ABCC5: variants seen among roughly 807,000 people sequenced by gnomAD.
The protein encoded by ABCC5 is ATP-binding cassette sub-family C member 5.
In ABCC5, 61 loss-of-function variants were observed where a neutral mutation model predicts 160.9. The ratio of observed to expected loss-of-function variants is 0.38; its 90% CI spans 0.31 to 0.47. The LOEUF (loss-of-function observed/expected upper bound fraction) is 0.47, where lower values mean the gene tolerates loss of function less well. Among genes scored for constraint, ABCC5 ranks in the 20% least tolerant of loss-of-function variants. ABCC5 has a pLI of 0.99. For synonymous variants in ABCC5, 666 were observed against 700.6 expected, an observed-to-expected ratio of 0.95 and a Z score of 0.78; for missense variants, 1,308 against 1,813.3, an observed-to-expected ratio of 0.72 and a Z score of 5.06.
intron 26 of ABCC5, among the ~76,000 whole-genome samples, chr3:183,935,794 G>C (rs750017323): frequency 6.6e-6 from 1 of 152,170 alleles, no homozygotes; most frequent in African/African-American, 2.4e-5. Context: ...GAGCCACCAC[G>C]CCTGACCAAT....
chr3:183,984,054 G>C, intron 5 of ABCC5: 6 of 985,388 alleles, frequency 6.1e-6, no homozygotes, highest in Non-Finnish European at 7.2e-6. Flanking sequence ...CAACGGAGTA[G>C]ATTCTCTAGG....
chr3:183,942,867 G>C lies in ABCC5; in HGVS notation c.3554C>G (p.Pro1185Arg), dbSNP rs775993579. 3.7e-6 allele frequency: 6 copies of C among 1,614,124 alleles called. No homozygotes were observed. Among genetic ancestry groups the C allele is most frequent in the Admixed American group, 1.7e-5 (1 of 60,016 alleles). The part of the protein sequence containing the change: ...PARIKNKAPS[P>R]DWPQEGEVTF... ...CACCTCTCCCTCCTGGGGCCAGTCA[G>C]GGGAGGGAGCCTTGTTCTTAATTCT... Residue 1185 changes from proline (P) to arginine (R), a missense_variant, in exon 25 of 30, where the codon CCT becomes CGT. Coordinates refer to ENST00000334444, the MANE Select transcript of ABCC5 (RefSeq NM_005688.4).
intron 16 of ABCC5, among the ~76,000 whole-genome samples, chr3:183,961,059 G>C (rs1363439305): frequency 1.3e-5 from 2 of 152,110 alleles, no homozygotes; most frequent in African/African-American, 4.8e-5. Context: ...AAAATGCTGG[G>C]ATTACCAGCA....
At chr3:183,978,955 T>C (rs533389985) in intron 8 of ABCC5, among the ~76,000 whole-genome samples, 1 of 152,354 alleles carries the variant, frequency 6.6e-6, no homozygotes, top group South Asian at 2.1e-4. Flanking sequence ...GTATCTATAA[T>C]TGGCAGTTGT....
intron 2 of ABCC5, among the ~76,000 whole-genome samples, chr3:183,992,774 G>A: frequency 6.6e-6 from 1 of 151,934 alleles, no homozygotes; most frequent in Admixed American, 6.5e-5. Context: ...GAGCGAAAGA[G>A]CGAGACTCCG....
chr3:183,921,249 G>T lies in ABCC5; in HGVS notation c.*51C>A. 1 of 1,099,062 alleles carries T rather than the reference G, an allele frequency of 9.1e-7. No homozygotes were observed. The highest frequency in any genetic ancestry group is 1.4e-6 in the Non-Finnish European group (1 of 736,814). The allele number at this position is 1,099,062 out of a possible 1,614,324, so 68.1% of individuals were successfully genotyped here. Reference sequence around the variant, plus strand: ...GGACGCGATGAGGGGCCCGCCCCAGGCAGGGAATGGCAATGCTCTAAAGAA... The same window carrying T: ...GGACGCGATGAGGGGCCCGCCCCAGTCAGGGAATGGCAATGCTCTAAAGAA... On this transcript the variant is annotated 3_prime_UTR_variant, in exon 30 of 30. Coordinates refer to ENST00000334444, the MANE Select transcript of ABCC5 (RefSeq NM_005688.4). The surrounding 1 kb of genome is among the most constrained non-coding windows in gnomAD (Gnocchi z 4.1).
intron 2 of ABCC5, chr3:184,006,269 T>C (rs1483916078): frequency 8.0e-6 from 1 of 124,994 alleles, no homozygotes; most frequent in East Asian, 2.5e-4. Context: ...CTGTGCCTCA[T>C]AAAGCTTTAT....
chr3:184,002,130 G>A (rs959501488), intron 2 of ABCC5, among the ~76,000 whole-genome samples: 1 of 152,158 alleles, frequency 6.6e-6, no homozygotes, highest in Non-Finnish European at 1.5e-5. Flanking sequence ...GGGTGGGGTG[G>A]CTTATGCTTG....
intron 18 of ABCC5, among the ~76,000 whole-genome samples, 162 bp from the exon 19 acceptor site, chr3:183,952,165 G>C (rs1405351141): frequency 1.6e-5 from 1 of 63,758 alleles, no homozygotes; most frequent in Non-Finnish European, 2.9e-5. Flanking sequence ...TTTTTTTTTT[G>C]AGACAGTGTC....
rs184409487 is a variant in ABCC5, at chr3:183,942,649, C to T, written c.3694+78G>A. 2.4e-3 allele frequency: 3,687 copies of T among 1,537,424 alleles called. 7 individuals carry two copies. The highest frequency in any genetic ancestry group is 3.0e-3 in the Non-Finnish European group (3,361 of 1,121,800). ...ATTGCTCATCAAACAAACAAGGATC[C>T]GGTTTAAAGGGGTGAAAGTGATATT... On this transcript the variant is annotated intron_variant, in intron 25 of 29. Coordinates refer to ENST00000334444, the MANE Select transcript of ABCC5 (RefSeq NM_005688.4).
At chr3:183,937,770 G>T in intron 26 of ABCC5, 131 bp downstream of exon 26, 1 of 984,198 alleles carries the variant, frequency 1.0e-6, no homozygotes. Flanking sequence ...AGCACATGGT[G>T]CAGTGGGAAA....
chr3:183,981,931 C>T lies in ABCC5; in HGVS notation c.1000-57G>A, dbSNP rs375885778. ...AAGCTCATTCAAACTTGAGAACTACCTAATCTGCTTAAGGTCATTCTCAAT... is the reference window on the plus strand; with the variant it reads ...AAGCTCATTCAAACTTGAGAACTACTTAATCTGCTTAAGGTCATTCTCAAT... On this transcript the variant is annotated intron_variant, in intron 7 of 29. Transcript: ENST00000334444. 3.9e-6 allele frequency: 6 copies of T among 1,554,812 alleles called. No homozygotes were observed. The Middle Eastern group carries it at 5.2e-4, about 134-fold the overall frequency.
At chr3:183,952,199 T>C (rs1715435073) in intron 18 of ABCC5, among the ~76,000 whole-genome samples, 196 bp from the exon 19 acceptor site, 1 of 146,434 alleles carries the variant, frequency 6.8e-6, no homozygotes, top group African/African-American at 2.6e-5. Context: ...CAGGCTGGAG[T>C]GCAGTGGCGC....
intron 27 of ABCC5, among the ~76,000 whole-genome samples, chr3:183,928,491 T>G (rs1389911576): frequency 6.6e-6 from 1 of 152,218 alleles, no homozygotes; most frequent in African/African-American, 2.4e-5. Context: ...AAGCATCACT[T>G]AATTCTAAGT....
intron 14 of ABCC5, 31 bp downstream of exon 14, chr3:183,965,154 A>G: frequency 6.2e-7 from 1 of 1,611,454 alleles, no homozygotes; most frequent in South Asian, 1.1e-5. Context: ...CCACTCTGCT[A>G]AATGCCTGGT....
intron 27 of ABCC5, chr3:183,927,919 T>G: frequency 7.3e-6 from 5 of 689,170 alleles, no homozygotes; most frequent in Non-Finnish European, 7.1e-6. Context: ...AATAGTTGAA[T>G]TAGGGCAGGG....
intron 20 of ABCC5, among the ~76,000 whole-genome samples, chr3:183,950,899 C>T (rs1342824271): frequency 3.9e-5 from 6 of 152,228 alleles, no homozygotes; most frequent in Admixed American, 3.9e-4. Context: ...AGCTTTGTCA[C>T]TCAATAGCTG....
intron 2 of ABCC5, 118 bp from the exon 3 acceptor site, chr3:183,989,501 A>T: frequency 9.5e-7 from 1 of 1,053,570 alleles, no homozygotes; most frequent in Non-Finnish European, 1.4e-6. Flanking sequence ...AGAAATTCCA[A>T]GCAAGGGTCA....
intron 9 of ABCC5, 84 bp from the exon 10 acceptor site, chr3:183,977,708 G>A (rs909914671): frequency 6.0e-5 from 54 of 900,638 alleles, no homozygotes; most frequent in Non-Finnish European, 9.0e-5. Flanking sequence ...CCTCTCAGGC[G>A]CTAGGAAGGC....
Sources: allele counts gnomAD v4.1 joint callset (sites outside exome capture counted in the v4.1 genomes callset), GRCh38; gene constraint gnomAD v4.1.1; non-coding constraint Gnocchi (gnomAD v3.1); transcripts MANE v1.5; gene names NCBI Gene and HGNC (gene_info 2026-07-23, HGNC 2026-07-21).